OXR1: variants seen among roughly 807,000 people sequenced by gnomAD.
OXR1 encodes the protein oxidation resistance protein 1.
Under a neutral mutation model 104.6 loss-of-function variants are expected in OXR1, and 41 were observed. The ratio of observed to expected loss-of-function variants is 0.39; its 90% confidence interval spans 0.31 to 0.51. The LOEUF (loss-of-function observed/expected upper bound fraction) is 0.51, where lower values mean the gene tolerates loss of function less well. Among genes scored for constraint, OXR1 ranks in the 20% least tolerant of loss-of-function variants. The pLI is 0.77. For synonymous variants in OXR1, 348 were observed against 348.4 expected (o/e 1.00, Z 0.01); for missense variants, 955 against 1,031.9 (o/e 0.93, Z 1.02).
In OXR1 at chr8:106,697,704, A is replaced by G. The variant is rs963496611; in HGVS notation, c.675+4827A>G. On this transcript the variant is annotated intron_variant, in intron 7 of 16. Coordinates refer to ENST00000517566, the MANE Select transcript of OXR1 (RefSeq NM_001198533.2). Reference sequence around the variant, plus strand: ...GGAAGATGTCAGTGGTGTTAATGCCATAGCGCTCAGCTGCTTGCAGGAACT... The same window carrying G: ...GGAAGATGTCAGTGGTGTTAATGCCGTAGCGCTCAGCTGCTTGCAGGAACT... 2.2e-5 allele frequency: 36 copies of G among 1,613,932 alleles called. No individual in the cohort carries two copies. In the African/African-American group the frequency reaches 4.1e-4, roughly 19 times the overall value.
intron 2 of OXR1, among the ~76,000 whole-genome samples, chr8:106,502,867 A>C (rs1453220): frequency 0.13 from 19,925 of 152,156 alleles, 1,638 homozygotes; most frequent in African/African-American, 0.23. Context: ...TTCACAAATA[A>C]CTAAACTCAG....
At chr8:106,691,976 T>TATA (rs201254433) in intron 6 of OXR1, among the ~76,000 whole-genome samples, 1 of 75,478 alleles carries the variant, frequency 1.3e-5, no homozygotes, top group African/African-American at 1.2e-4. Flanking sequence ...TGTGTGTGTG[T>TATA]CTATATATAT....
chr8:106,617,362 G>A (rs1382081290), intron 3 of OXR1, among the ~76,000 whole-genome samples: 1 of 152,210 alleles, frequency 6.6e-6, no homozygotes, highest in Non-Finnish European at 1.5e-5. Context: ...GGCAGAGGTT[G>A]CAGTGAGCTG....
intron 2 of OXR1, among the ~76,000 whole-genome samples, chr8:106,362,096 G>A (rs576436518): frequency 7.9e-5 from 12 of 152,270 alleles, no homozygotes; most frequent in African/African-American, 2.2e-4. Flanking sequence ...CAGCTTCTTC[G>A]TGTCTAGGAG....
intron 1 of OXR1, among the ~76,000 whole-genome samples, chr8:106,312,196 C>T (rs1272964211): frequency 6.6e-6 from 1 of 152,232 alleles, no homozygotes; most frequent in African/African-American, 2.4e-5. Context: ...GCTCTACCCT[C>T]TTTTGCTTCT....
chr8:106,483,578 A>G (rs534020179), intron 2 of OXR1, among the ~76,000 whole-genome samples: 60 of 152,164 alleles, frequency 3.9e-4, no homozygotes, highest in African/African-American at 1.3e-3. Context: ...TCCGATTATA[A>G]TATAGTTATG....
rs1452094941 is a variant in OXR1 at position 106,752,483 on chromosome 8, C to T, written c.*1542C>T. Reference sequence around the variant, plus strand: ...AATACAGGGCATCATTTCCTTGTCTCATTATAAGTTAGTAACAATATATAG... The same window carrying T: ...AATACAGGGCATCATTTCCTTGTCTTATTATAAGTTAGTAACAATATATAG... On this transcript the variant is annotated 3_prime_UTR_variant, in exon 17 of 17. Transcript: ENST00000517566. 1 of 152,410 alleles carries T rather than the reference C, an allele frequency of 6.6e-6. No homozygotes were observed. Among genetic ancestry groups the T allele is most frequent in the Non-Finnish European group, 1.5e-5 (1 of 67,914 alleles). The allele number at this position is 152,410 out of a possible 1,614,324, so 9.4% of individuals were successfully genotyped here.
chr8:106,303,445 A>G (rs1336680234), intron 1 of OXR1, among the ~76,000 whole-genome samples: 1 of 151,310 alleles, frequency 6.6e-6, no homozygotes, highest in Non-Finnish European at 1.5e-5. Flanking sequence ...TCACTGTGTT[A>G]GCCAGGATGA....
chr8:106,428,471 A>G (rs571122777), intron 2 of OXR1, among the ~76,000 whole-genome samples: 2 of 152,208 alleles, frequency 1.3e-5, no homozygotes, highest in Non-Finnish European at 2.9e-5. Flanking sequence ...TCTGTTGTAG[A>G]TAAAGCAAAA....
At chr8:106,575,766 G>A (rs1229329484) in intron 3 of OXR1, among the ~76,000 whole-genome samples, 2 of 150,682 alleles carry the variant, frequency 1.3e-5, no homozygotes, top group Non-Finnish European at 3.0e-5. Context: ...CCTCACTTAT[G>A]TGCCAAAGCT....
intron 3 of OXR1, among the ~76,000 whole-genome samples, chr8:106,607,030 AAC>A (rs1820456877): frequency 6.6e-6 from 1 of 152,162 alleles, no homozygotes; most frequent in African/African-American, 2.4e-5. Flanking sequence ...ACCTTTCACA[AAC>A]AGTAGTTTTG....
chr8:106,429,972 A>G (rs903614731), intron 2 of OXR1, among the ~76,000 whole-genome samples: 1 of 152,180 alleles, frequency 6.6e-6, no homozygotes, highest in Admixed American at 6.5e-5. Context: ...ATTGACAGTT[A>G]TACAGGCTGA....
chr8:106,579,484 A>C (rs3134125), intron 3 of OXR1, among the ~76,000 whole-genome samples: 101,199 of 152,010 alleles, frequency 0.67, 34,533 homozygotes, highest in African/African-American at 0.82. Context: ...AGGTGACTTT[A>C]TGCATGTCTG....
intron 2 of OXR1, among the ~76,000 whole-genome samples, chr8:106,510,800 C>T (rs1563571205): frequency 6.6e-6 from 1 of 152,144 alleles, no homozygotes; most frequent in Non-Finnish European, 1.5e-5. Flanking sequence ...GATAGAAAAG[C>T]ATAAATTTCT....
intron 3 of OXR1, among the ~76,000 whole-genome samples, chr8:106,653,006 T>A (rs1191734208): frequency 6.7e-6 from 1 of 148,702 alleles, no homozygotes; most frequent in Non-Finnish European, 1.5e-5. Flanking sequence ...TTAGATGACT[T>A]ACATTAAATG....
intron 6 of OXR1, among the ~76,000 whole-genome samples, chr8:106,691,637 TATATAC>T (rs1317405455): frequency 3.4e-5 from 5 of 148,568 alleles, no homozygotes; most frequent in African/African-American, 1.2e-4. Context: ...TATATATATA[TATATAC>T]ACACACATAT....
chr8:106,669,721 T>C (rs1037094816), intron 3 of OXR1, among the ~76,000 whole-genome samples: 2 of 152,218 alleles, frequency 1.3e-5, no homozygotes, highest in Non-Finnish European at 2.9e-5. Flanking sequence ...AGGAGTCTTT[T>C]ATTACATTAA....
At chr8:106,418,671 T>C (rs538756624) in intron 2 of OXR1, among the ~76,000 whole-genome samples, 2 of 152,162 alleles carry the variant, frequency 1.3e-5, no homozygotes, top group Non-Finnish European at 2.9e-5. Context: ...GAGGAATTCA[T>C]GTTCACAAGA....
At chr8:106,283,102 G>C (rs767394161) in intron 1 of OXR1, among the ~76,000 whole-genome samples, 12 of 152,166 alleles carry the variant, frequency 7.9e-5, no homozygotes, top group Middle Eastern at 3.2e-3. Context: ...GTCCACGCTT[G>C]TGCTTGATCT....
Sources: allele counts gnomAD v4.1 joint callset (sites outside exome capture counted in the v4.1 genomes callset), GRCh38; gene constraint gnomAD v4.1.1; transcripts MANE v1.5; gene names NCBI Gene and HGNC (gene_info 2026-07-23, HGNC 2026-07-21).